WDR19: variants seen among roughly 807,000 people sequenced by gnomAD.
WDR19 encodes WD repeat domain 19.
Under a neutral mutation model 180.0 loss-of-function variants are expected in WDR19, and 121 were observed. The observed-to-expected ratio is 0.67, with a 90% CI of 0.58 to 0.78. The LOEUF (loss-of-function observed/expected upper bound fraction) is 0.78, where lower values mean the gene tolerates loss of function less well. Among genes scored for constraint, WDR19 ranks in the 30% least tolerant of loss-of-function variants. The pLI is 0.00. For missense variants in WDR19, 1,450 were observed against 1,640.7 expected (o/e 0.88, Z 2.01); for synonymous variants, 497 against 540.7 (o/e 0.92, Z 1.12).
chr4:39,269,897 C>A, intron 30 of WDR19, 79 bp from the exon 31 acceptor site: 1 of 1,531,064 alleles, frequency 6.5e-7, no homozygotes, highest in Non-Finnish European at 8.9e-7. Context: ...TAACAAAATC[C>A]ACTAGTAAGA....
intron 19 of WDR19, 26 bp from the exon 20 acceptor site, chr4:39,234,740 A>G: frequency 6.7e-7 from 1 of 1,494,026 alleles, no homozygotes; most frequent in East Asian, 2.4e-5. Flanking sequence ...GCTCATTTGA[A>G]ATTAAGGTCT....
At chr4:39,193,476 T>G (rs1560477965) in intron 4 of WDR19, among the ~76,000 whole-genome samples, 1 of 152,214 alleles carries the variant, frequency 6.6e-6, no homozygotes, top group Admixed American at 6.5e-5. Flanking sequence ...ATTTTTTAAC[T>G]AAGCATTTTA....
At chr4:39,270,147 C>A in intron 31 of WDR19, 47 bp downstream of exon 31, 2 of 1,605,556 alleles carry the variant, frequency 1.2e-6, no homozygotes, top group Non-Finnish European at 1.7e-6. Flanking sequence ...AGGTGTTTGT[C>A]CCCCATTGAG....
At chr4:39,260,411 C>T (rs1184719043) in intron 28 of WDR19, among the ~76,000 whole-genome samples, 1 of 148,590 alleles carries the variant, frequency 6.7e-6, no homozygotes. Context: ...GATCTCAGCT[C>T]ACTGCAACCT....
chr4:39,242,692 G>A (rs975770363), intron 21 of WDR19, among the ~76,000 whole-genome samples: 7 of 152,020 alleles, frequency 4.6e-5, no homozygotes, highest in Admixed American at 2.6e-4. Context: ...TTTGGAGATA[G>A]TCTTTCACTG....
At chr4:39,239,713 C>T (rs1035075208) in intron 20 of WDR19, among the ~76,000 whole-genome samples, 1 of 152,164 alleles carries the variant, frequency 6.6e-6, no homozygotes, top group Admixed American at 6.5e-5. Flanking sequence ...TAGCATACCA[C>T]ACAGTAAGTA....
At position 39,266,122 on chromosome 4, in the gene WDR19, G is replaced by C. The variant is rs1469310501; in HGVS notation, c.3243G>C (p.Glu1081Asp). 1.3e-6 allele frequency: 2 copies of C among 1,563,532 alleles called. No individual in the cohort carries two copies. The highest frequency in any genetic ancestry group is 1.9e-5 in the Admixed American group (1 of 52,624). ...AGCTGATAGACCATCTCCTGGGGGAGAACGATGGCATGCCTAAGGTACTGA... is the reference window on the plus strand; with the variant it reads ...AGCTGATAGACCATCTCCTGGGGGACAACGATGGCATGCCTAAGGTACTGA... ...TNQLIDHLLG[E>D]NDGMPKDAKY... The change falls in exon 29 of 37, where the codon GAG becomes GAC. Residue 1081 changes from glutamate (E) to aspartate (D), a missense_variant. Coordinates refer to ENST00000399820, the MANE Select transcript of WDR19 (RefSeq NM_025132.4).
chr4:39,232,173 C>T lies in WDR19; in HGVS notation c.2154C>T (p.Asp718=), dbSNP rs771762851. 50 of 1,613,054 alleles carry T rather than the reference C, an allele frequency of 3.1e-5. No homozygotes were observed. The highest frequency in any genetic ancestry group is 4.0e-5 in the Non-Finnish European group (47 of 1,179,662). ...MSLEQIKGIE[D]YNLLAGHLAM... ...GCTTTTATTTGTAGGGAATAGAGGA[C>T]TACAATCTTTTGGCAGGACACCTTG... The change falls in exon 19 of 37, where the codon GAC becomes GAT. Residue 718 remains aspartate (D), a synonymous_variant. Coordinates refer to ENST00000399820, the MANE Select transcript of WDR19 (RefSeq NM_025132.4).
At chr4:39,197,343 T>G (rs1344593493) in intron 5 of WDR19, among the ~76,000 whole-genome samples, 1 of 150,366 alleles carries the variant, frequency 6.7e-6, no homozygotes, top group Non-Finnish European at 1.5e-5. Context: ...GGAGAATTGC[T>G]TGAACCCAGG....
At chr4:39,212,610 G>A (rs1728667635) in intron 9 of WDR19, among the ~76,000 whole-genome samples, 2 of 152,106 alleles carry the variant, frequency 1.3e-5, no homozygotes, top group Admixed American at 6.6e-5. Flanking sequence ...TGGCCAATGT[G>A]GTGAAACCTT....
intron 5 of WDR19, among the ~76,000 whole-genome samples, chr4:39,198,965 T>C (rs1408504037): frequency 2.0e-5 from 3 of 147,114 alleles, no homozygotes; most frequent in African/African-American, 7.6e-5. Context: ...GCCACTGTAC[T>C]CCAGCCTGGG....
At chr4:39,182,693 G>C in intron 1 of WDR19, 130 bp downstream of exon 1, 4 of 1,395,682 alleles carry the variant, frequency 2.9e-6, no homozygotes, top group East Asian at 2.5e-5. Flanking sequence ...GAGAGAGAGA[G>C]AGGTGGCCAG....
chr4:39,282,971 T>C (rs1334666620), intron 36 of WDR19, among the ~76,000 whole-genome samples: 1 of 152,232 alleles, frequency 6.6e-6, no homozygotes, highest in African/African-American at 2.4e-5. Context: ...CCAATCTTTA[T>C]AACTTTTATT....
Position 39,182,592 on chromosome 4 carries a change from G to A in WDR19, c.6+29G>A, listed in dbSNP as rs1725052738. The A allele has an allele frequency of 2.5e-6, 4 of 1,613,442 alleles. No individual in the cohort carries two copies. In the African/African-American group the frequency reaches 4.0e-5, roughly 16 times the overall value. On this transcript the variant is annotated intron_variant, in intron 1 of 36. Transcript: ENST00000399820. ...AATAACTTACAAATTCCCGGGGTGG[G>A]GCGGGAAAACGCGACTACTGGCCCT... is the stretch of plus-strand genomic sequence containing the variant.
chr4:39,205,807 T>C (rs1220163428), intron 9 of WDR19, 71 bp downstream of exon 9: 1 of 1,330,792 alleles, frequency 7.5e-7, no homozygotes, highest in African/African-American at 1.5e-5. Flanking sequence ...CAAACTTTGT[T>C]AGCTAATATG....
At chr4:39,193,165 CTT>C (rs530738984) in intron 4 of WDR19, among the ~76,000 whole-genome samples, 23 of 142,684 alleles carry the variant, frequency 1.6e-4, no homozygotes, top group Middle Eastern at 3.7e-3. Flanking sequence ...TTTTTCTTTT[CTT>C]TTTTTTTTTT....
At chr4:39,188,348 T>C (rs189434030) in intron 3 of WDR19, among the ~76,000 whole-genome samples, 30 of 152,206 alleles carry the variant, frequency 2.0e-4, no homozygotes, top group African/African-American at 7.2e-4. Flanking sequence ...TCATGTTAAA[T>C]AGACCATTTC....
In WDR19 at chr4:39,268,051, C is replaced by T; in HGVS notation, c.3318C>T (p.Ala1106=). Residue 1106 remains alanine, a synonymous_variant, in exon 30 of 37, where the codon GCC becomes GCT. Transcript: ENST00000399820. ...YMALKQYREA[A]QTAIIIAREE... is the part of the protein sequence containing the mutation. ...CTCTGAAGCAATACCGAGAAGCTGC[C>T]CAGACTGCCATCATCATTGCCAGAG... The T allele has an allele frequency of 6.2e-7, 1 of 1,602,582 alleles. No homozygotes were observed. Among genetic ancestry groups the T allele is most frequent in the Non-Finnish European group, 8.5e-7 (1 of 1,174,310 alleles).
intron 17 of WDR19, among the ~76,000 whole-genome samples, chr4:39,231,252 A>T (rs1240655678): frequency 6.7e-6 from 1 of 148,176 alleles, no homozygotes; most frequent in East Asian, 2.0e-4. Context: ...CCGAGGTTGC[A>T]GTTAGGTGAG....
Sources: gnomAD v4.1 joint callset for allele counts (sites outside exome capture counted in the v4.1 genomes callset) on GRCh38, gnomAD v4.1.1 for gene constraint, MANE v1.5 for transcripts, NCBI Gene and HGNC (gene_info 2026-07-23, HGNC 2026-07-21) for gene names.